The following ARHGAP28 variants were observed in gnomAD, a reference collection of about 807,000 sequenced individuals.
ARHGAP28 encodes the protein Rho GTPase activating protein 28.
In ARHGAP28, 56 loss-of-function variants were observed where a neutral mutation model predicts 90.7. That is an observed-to-expected ratio of 0.62 (90% CI 0.50 to 0.77). The LOEUF is 0.77. Ranked by LOEUF, ARHGAP28 falls within the 30% of genes least tolerant of loss-of-function variation. The pLI, the probability that ARHGAP28 is intolerant of heterozygous loss-of-function variation, is 0.00. For missense variants in ARHGAP28, 869 were observed against 900.9 expected, an observed-to-expected ratio of 0.96 and a Z score of 0.45; for synonymous variants, 308 against 323.3, an observed-to-expected ratio of 0.95 and a Z score of 0.51.
chr18:6,749,900 A>T (rs2056055237), intron 1 of ARHGAP28, among the ~76,000 whole-genome samples: 1 of 152,176 alleles, frequency 6.6e-6, no homozygotes. Context: ...TAGCTTCAAA[A>T]ATATACCCTC....
intron 8 of ARHGAP28, 42 bp downstream of exon 8, chr18:6,873,616 C>T (rs1158310984): frequency 6.2e-7 from 1 of 1,608,090 alleles, no homozygotes. Flanking sequence ...AACACTTTGA[C>T]ACAGTGGAAT....
In ARHGAP28 at chr18:6,824,813, C is replaced by G; in HGVS notation, c.174C>G (p.Ser58=). 1 of 1,536,094 alleles carries G rather than the reference C, an allele frequency of 6.5e-7. No homozygotes were observed. Residue 58 remains serine (S), a synonymous_variant, in exon 2 of 18, where the codon TCC becomes TCG. Transcript: ENST00000383472. ...TTAACAGGATGCTCTCCAATGAATCCCTCCATCCTCCTGCCTTCAGCCGTT... is the reference window on the plus strand; with the variant it reads ...TTAACAGGATGCTCTCCAATGAATCGCTCCATCCTCCTGCCTTCAGCCGTT... ...RRINRMLSNE[S]LHPPAFSRSN...
chr18:6,763,393 A>AT (rs988135977), intron 1 of ARHGAP28, among the ~76,000 whole-genome samples: 1 of 152,038 alleles, frequency 6.6e-6, no homozygotes, highest in African/African-American at 2.4e-5. Flanking sequence ...ACAAGAGATG[A>AT]TTTTATCATC....
At chr18:6,794,741 A>G (rs2056429663) in intron 1 of ARHGAP28, among the ~76,000 whole-genome samples, 2 of 152,090 alleles carry the variant, frequency 1.3e-5, no homozygotes, top group South Asian at 4.1e-4. Context: ...CAGTGCAGTG[A>G]CACAGATCAT....
chr18:6,871,162 T>C (rs1436354823), intron 7 of ARHGAP28, among the ~76,000 whole-genome samples: 1 of 152,218 alleles, frequency 6.6e-6, no homozygotes, highest in East Asian at 1.9e-4. Flanking sequence ...GGCATCACAC[T>C]GCTCACACTA....
intron 1 of ARHGAP28, among the ~76,000 whole-genome samples, chr18:6,773,237 G>A (rs1005084019): frequency 4.6e-5 from 7 of 152,160 alleles, no homozygotes; most frequent in African/African-American, 1.7e-4. Flanking sequence ...CATAGCAAAT[G>A]AAGTTTCTGT....
At chr18:6,792,113 T>C (rs77362854) in intron 1 of ARHGAP28, among the ~76,000 whole-genome samples, 57 of 152,250 alleles carry the variant, frequency 3.7e-4, no homozygotes, top group African/African-American at 1.3e-3. Flanking sequence ...GCAAATTAAT[T>C]TGTAGATTCA....
intron 1 of ARHGAP28, among the ~76,000 whole-genome samples, chr18:6,808,040 T>A (rs1380748057): frequency 6.6e-6 from 1 of 152,226 alleles, no homozygotes; most frequent in South Asian, 2.1e-4. Flanking sequence ...TTTGTGTATG[T>A]ATGTGTGTGT....
intron 1 of ARHGAP28, among the ~76,000 whole-genome samples, chr18:6,755,964 A>G (rs4798490): frequency 0.54 from 81,364 of 152,004 alleles, 23,534 homozygotes; most frequent in Non-Finnish European, 0.64. Flanking sequence ...CAGTATTGAA[A>G]TAATCAACTC....
intron 1 of ARHGAP28, among the ~76,000 whole-genome samples, chr18:6,760,197 T>C (rs1196256846): frequency 6.6e-6 from 1 of 152,228 alleles, no homozygotes; most frequent in Non-Finnish European, 1.5e-5. Flanking sequence ...TGGGCCACTT[T>C]AAAAGTTTGG....
intron 3 of ARHGAP28, among the ~76,000 whole-genome samples, chr18:6,841,322 T>G (rs2143913908): frequency 6.7e-6 from 1 of 150,134 alleles, no homozygotes; most frequent in African/African-American, 2.5e-5. Context: ...TTACCTACAT[T>G]AATTGAATAA....
At chr18:6,768,627 G>C (rs1174316723) in intron 1 of ARHGAP28, among the ~76,000 whole-genome samples, 5 of 152,094 alleles carry the variant, frequency 3.3e-5, no homozygotes, top group Non-Finnish European at 7.4e-5. Context: ...CGCTGCACAT[G>C]AGTGACTTAA....
At chr18:6,837,013 CTTT>C (rs2056758849) in intron 2 of ARHGAP28, among the ~76,000 whole-genome samples, 181 bp from the exon 3 acceptor site, 1 of 152,118 alleles carries the variant, frequency 6.6e-6, no homozygotes, top group Admixed American at 6.5e-5. Context: ...TTAGAAAATA[CTTT>C]AAAATTTGAC....
chr18:6,752,666 C>T (rs1423049899), intron 1 of ARHGAP28, among the ~76,000 whole-genome samples: 1 of 152,180 alleles, frequency 6.6e-6, no homozygotes, highest in African/African-American at 2.4e-5. Flanking sequence ...GTGAATTGGG[C>T]TCTGGAAGCT....
intron 16 of ARHGAP28, among the ~76,000 whole-genome samples, chr18:6,903,692 G>A (rs979119800): frequency 1.6e-4 from 25 of 151,760 alleles, no homozygotes; most frequent in Non-Finnish European, 3.1e-4. Flanking sequence ...TTAGCTGAGC[G>A]TGGTGGTGGG....
chr18:6,832,576 A>G (rs938328790), intron 2 of ARHGAP28, among the ~76,000 whole-genome samples: 1 of 151,954 alleles, frequency 6.6e-6, no homozygotes, highest in Non-Finnish European at 1.5e-5. Flanking sequence ...ATTTGAAACT[A>G]TGTTATTGGG....
chr18:6,762,675 C>T (rs1467811564), intron 1 of ARHGAP28, among the ~76,000 whole-genome samples: 1 of 151,784 alleles, frequency 6.6e-6, no homozygotes, highest in African/African-American at 2.4e-5. Context: ...ATCTAGTATC[C>T]CATACTGGTG....
chr18:6,737,032 A>G (rs1005442468), intron 1 of ARHGAP28, among the ~76,000 whole-genome samples: 1 of 152,166 alleles, frequency 6.6e-6, no homozygotes, highest in African/African-American at 2.4e-5. Context: ...TTTCTGAGGT[A>G]ATTGCCATGT....
intron 16 of ARHGAP28, among the ~76,000 whole-genome samples, chr18:6,903,831 A>AAT (rs1163166282): frequency 2.0e-5 from 3 of 150,734 alleles, no homozygotes; most frequent in African/African-American, 7.3e-5. Flanking sequence ...CATCTCAAAA[A>AAT]AAAAAAAAAA....
Sources: gnomAD v4.1 joint callset for allele counts (sites outside exome capture counted in the v4.1 genomes callset) on GRCh38, gnomAD v4.1.1 for gene constraint, MANE v1.5 for transcripts, NCBI Gene and HGNC (gene_info 2026-07-23, HGNC 2026-07-21) for gene names.